MAML3: variants seen among roughly 807,000 people sequenced by gnomAD.
MAML3 encodes mastermind like transcriptional coactivator 3.
MAML3 carries 27 observed loss-of-function variants against 101.9 expected under a neutral mutation model. The ratio of observed to expected loss-of-function variants is 0.27; its 90% CI spans 0.20 to 0.37. The LOEUF is 0.37. Among genes scored for constraint, MAML3 ranks in the 10% least tolerant of loss-of-function variants. The probability of loss-of-function intolerance (pLI) is 1.00; values close to 1 mark genes in which losing one functional copy is unlikely to be tolerated. For missense variants in MAML3, 1,316 were observed against 1,444.9 expected (o/e 0.91, Z 1.45); for synonymous variants, 501 against 555.9 (o/e 0.90, Z 1.39).
intron 2 of MAML3, among the ~76,000 whole-genome samples, chr4:139,838,604 A>G (rs1731302847): frequency 6.6e-6 from 1 of 152,192 alleles, no homozygotes; most frequent in African/African-American, 2.4e-5. Flanking sequence ...AGGTCCCTGA[A>G]TCAAAAATTT....
chr4:139,977,556 A>G (rs895951953), intron 1 of MAML3, among the ~76,000 whole-genome samples: 35 of 152,314 alleles, frequency 2.3e-4, no homozygotes, highest in African/African-American at 7.5e-4. Context: ...GAACATATAG[A>G]TTAAGTCTCC....
At position 140,069,363 on chromosome 4, in the gene MAML3, A is replaced by AAGG. The variant is rs1172807594; in HGVS notation, c.468+83496_468+83497insCCT. ...GAAGGAGAAGGAGAAGGAGAAGGAG[A>AAGG]AGAAGAAGAAGAAGAAGAAGAAGGA... On this transcript the variant is annotated intron_variant, in intron 1 of 4. Coordinates refer to ENST00000509479, the MANE Select transcript of MAML3 (RefSeq NM_018717.5). Among the ~76,000 whole-genome samples, 224 of 41,832 alleles carry AAGG rather than the reference A, an allele frequency of 5.4e-3. 3 individuals are homozygous for AAGG. Among genetic ancestry groups the AAGG allele is most frequent in the African/African-American group, 0.011 (212 of 18,492 alleles). 27.4% of individuals were successfully genotyped at this position (41,832 alleles called of 152,430 possible). A position where few individuals can be genotyped will look rare whatever the true frequency, so the allele number is the denominator to read the frequency against.
chr4:139,749,686 G>A (rs941298245), intron 2 of MAML3, among the ~76,000 whole-genome samples: 6 of 152,204 alleles, frequency 3.9e-5, no homozygotes, highest in African/African-American at 1.4e-4. Flanking sequence ...ATTTTCACAT[G>A]CAATTCACAG....
At chr4:140,011,337 G>GATTT (rs1726557056) in intron 1 of MAML3, among the ~76,000 whole-genome samples, 1 of 109,816 alleles carries the variant, frequency 9.1e-6, no homozygotes, top group Non-Finnish European at 1.9e-5. Context: ...AGGTTTTCTT[G>GATTT]TTTTGTTTTT....
intron 1 of MAML3, among the ~76,000 whole-genome samples, chr4:139,927,071 T>TG (rs1733278372): frequency 1.1e-5 from 1 of 90,542 alleles, no homozygotes; most frequent in African/African-American, 4.7e-5. Flanking sequence ...TTTTCTTTTT[T>TG]CTTTTTTTTT....
intron 1 of MAML3, among the ~76,000 whole-genome samples, chr4:140,028,521 T>A (rs550018497): frequency 2.6e-5 from 4 of 152,326 alleles, no homozygotes; most frequent in African/African-American, 9.6e-5. Flanking sequence ...TTTGAGGAAT[T>A]CATTATTATT....
At chr4:139,983,550 T>C (rs1484761434) in intron 1 of MAML3, among the ~76,000 whole-genome samples, 1 of 152,198 alleles carries the variant, frequency 6.6e-6, no homozygotes, top group Non-Finnish European at 1.5e-5. Context: ...CCTTGTATTT[T>C]GCTGGTTGAG....
At chr4:139,893,186 G>C (rs1373086469) in intron 1 of MAML3, among the ~76,000 whole-genome samples, 1 of 152,154 alleles carries the variant, frequency 6.6e-6, no homozygotes, top group Non-Finnish European at 1.5e-5. Flanking sequence ...CATTGTCCAT[G>C]TTGTTTTGTT....
chr4:140,107,166 C>T (rs1728365824), intron 1 of MAML3, among the ~76,000 whole-genome samples: 1 of 152,110 alleles, frequency 6.6e-6, no homozygotes, highest in Non-Finnish European at 1.5e-5. Context: ...CCACTGCGCC[C>T]AGCCAAAGAG....
chr4:140,107,463 T>C (rs1164185930), intron 1 of MAML3, among the ~76,000 whole-genome samples: 1 of 151,992 alleles, frequency 6.6e-6, no homozygotes, highest in African/African-American at 2.4e-5. Flanking sequence ...CTGTCTGATA[T>C]GTCCTCTTAT....
At chr4:140,084,412 A>T (rs941793819) in intron 1 of MAML3, among the ~76,000 whole-genome samples, 1 of 152,244 alleles carries the variant, frequency 6.6e-6, no homozygotes, top group Admixed American at 6.5e-5. Context: ...GAATGAAGGT[A>T]TGAAACCTGG....
intron 2 of MAML3, among the ~76,000 whole-genome samples, chr4:139,869,650 C>T (rs536540636): frequency 2.0e-5 from 3 of 152,198 alleles, no homozygotes; most frequent in South Asian, 2.1e-4. Flanking sequence ...CCCACCCCCG[C>T]GGCCAAACTC....
At chr4:140,150,761 C>CA (rs1729144468) in intron 1 of MAML3, among the ~76,000 whole-genome samples, 1 of 150,698 alleles carries the variant, frequency 6.6e-6, no homozygotes, top group African/African-American at 2.4e-5. Flanking sequence ...GCTAGGGGGG[C>CA]GGGGGCTGGG....
At chr4:139,790,118 C>T (rs1369257453) in intron 2 of MAML3, among the ~76,000 whole-genome samples, 1 of 150,940 alleles carries the variant, frequency 6.6e-6, no homozygotes. Context: ...GTGTTCTCAT[C>T]TCTGGGGCAG....
rs145186059 is a variant in MAML3, at chr4:139,915,126, C to G, written c.469-24159G>C. The stretch of plus-strand genomic sequence containing the variant: ...ATTACAAAGACATGCAAATGACTCC[C>G]ATGTTGCAAAATATTCTGGATAGTT... On this transcript the variant is annotated intron_variant, in intron 1 of 4. Transcript: ENST00000509479. Among the ~76,000 whole-genome samples the G allele has an allele frequency of 1.0e-3, 157 of 152,286 alleles. 2 individuals are homozygous for G. The highest frequency in any genetic ancestry group is 3.7e-3 in the African/African-American group (155 of 41,552).
intron 2 of MAML3, among the ~76,000 whole-genome samples, chr4:139,887,584 C>T (rs1327267794): frequency 1.3e-5 from 2 of 152,200 alleles, no homozygotes; most frequent in East Asian, 1.9e-4. Context: ...AGGAACTTGT[C>T]CCAAGTTGGC....
At position 140,056,008 on chromosome 4, in the gene MAML3, A is replaced by G. The variant is rs1727343334; in HGVS notation, c.468+96852T>C. Among the ~76,000 whole-genome samples the G allele has an allele frequency of 2.0e-5, 3 of 152,252 alleles. No individual in the cohort carries two copies. The South Asian group carries it at 6.2e-4, about 31-fold the overall frequency. On this transcript the variant is annotated intron_variant, in intron 1 of 4. Coordinates refer to ENST00000509479, the MANE Select transcript of MAML3 (RefSeq NM_018717.5). The stretch of plus-strand genomic sequence containing the variant: ...AAGAAGAGAAAGGGGAAAATGAGGC[A>G]AGATGAGAATCAGCTGCAGCAACAG...
intron 1 of MAML3, among the ~76,000 whole-genome samples, chr4:140,022,351 T>C (rs917448190): frequency 6.6e-6 from 1 of 152,212 alleles, no homozygotes; most frequent in Non-Finnish European, 1.5e-5. Context: ...GTTCATAAAT[T>C]GAAGACTTCC....
intron 2 of MAML3, among the ~76,000 whole-genome samples, chr4:139,762,513 T>C (rs973578689): frequency 6.6e-6 from 1 of 152,164 alleles, no homozygotes; most frequent in African/African-American, 2.4e-5. Context: ...GTAATAGTGT[T>C]TGCCAAATGA....
Sources: allele counts gnomAD v4.1 joint callset (sites outside exome capture counted in the v4.1 genomes callset), GRCh38; gene constraint gnomAD v4.1.1; transcripts MANE v1.5; gene names NCBI Gene and HGNC (gene_info 2026-07-23, HGNC 2026-07-21).